Variants in CAMKK2 observed in about 807,000 individuals in gnomAD.
The protein encoded by CAMKK2 is calcium/calmodulin dependent protein kinase kinase 2, also known as calcium/calmodulin-dependent protein kinase kinase 2.
CAMKK2 carries 30 observed loss-of-function variants against 67.2 expected under a neutral mutation model. The observed-to-expected ratio is 0.45, with a 90% confidence interval of 0.33 to 0.61. The LOEUF is 0.61. Ranked by LOEUF, CAMKK2 falls within the 20% of genes least tolerant of loss-of-function variation. The probability of loss-of-function intolerance (pLI) is 0.02; values close to 1 mark genes in which losing one functional copy is unlikely to be tolerated. For missense variants in CAMKK2, 643 were observed against 802.0 expected (o/e 0.80, Z 2.39); for synonymous variants, 322 against 326.2 (o/e 0.99, Z 0.14).
In CAMKK2 at chr12:121,248,592, T is replaced by C. The variant is rs1336167963; in HGVS notation, c.1452+14A>G. ...CTGGGTCCCTGCTCTGGGTCAGGGG[T>C]CCATCCACCTTACCACGGTTGCCAA... On this transcript the variant is annotated intron_variant, in intron 14 of 16. Coordinates refer to ENST00000404169, the MANE Select transcript of CAMKK2 (RefSeq NM_001270485.2). The C allele has an allele frequency of 6.2e-7, 1 of 1,614,022 alleles. No individual in the cohort carries two copies. The highest frequency in any genetic ancestry group is 1.3e-5 in the African/African-American group (1 of 75,044).
intron 1 of CAMKK2, among the ~76,000 whole-genome samples, chr12:121,293,027 G>A (rs1218941461): frequency 2.0e-5 from 3 of 151,734 alleles, no homozygotes; most frequent in Admixed American, 6.6e-5. Context: ...TGTAATCCCA[G>A]CACTTTGGGA....
intron 7 of CAMKK2, among the ~76,000 whole-genome samples, chr12:121,257,777 G>C (rs1452581041): frequency 6.6e-6 from 1 of 152,114 alleles, no homozygotes; most frequent in Non-Finnish European, 1.5e-5. Context: ...AGCTTCTACA[G>C]ACAACCCAGC....
At chr12:121,264,960 G>C (rs931130185) in intron 5 of CAMKK2, among the ~76,000 whole-genome samples, 4 of 134,618 alleles carry the variant, frequency 3.0e-5, no homozygotes, top group African/African-American at 1.2e-4. Context: ...GACAGAGCGA[G>C]ACCCTATCAA....
chr12:121,259,048 G>A (rs1436884947), intron 7 of CAMKK2, among the ~76,000 whole-genome samples: 1 of 152,026 alleles, frequency 6.6e-6, no homozygotes, highest in Non-Finnish European at 1.5e-5. Flanking sequence ...TCGCTATGCT[G>A]CCCAGGCTGG....
rs987225571 is a variant in CAMKK2, at chr12:121,245,805, C to A, written c.1453-565G>T. Among the ~76,000 whole-genome samples, 2 of 152,196 alleles carry A rather than the reference C, an allele frequency of 1.3e-5. No individual in the cohort carries two copies. The highest frequency in any genetic ancestry group is 4.8e-5 in the African/African-American group (2 of 41,438). On this transcript the variant is annotated intron_variant, in intron 14 of 16. Transcript: ENST00000404169. The surrounding 1 kb of genome is among the most constrained non-coding windows in gnomAD (Gnocchi z 5.8). ...TGACTTTTTAAGCATTTGCTGCTAA[C>A]AAGAAAAATAAGTGTTTAAGAAACA...
intron 2 of CAMKK2, 47 bp from the exon 3 acceptor site, chr12:121,270,992 A>G: frequency 6.5e-7 from 1 of 1,529,544 alleles, no homozygotes; most frequent in Non-Finnish European, 9.1e-7. Context: ...TAAGTTTGCA[A>G]CTAGAGGCCA....
At chr12:121,294,355 C>G (rs2136683685) in intron 1 of CAMKK2, among the ~76,000 whole-genome samples, 1 of 152,284 alleles carries the variant, frequency 6.6e-6, no homozygotes, top group Admixed American at 6.5e-5. Context: ...CCAAAAGTCG[C>G]CCCCACACTT....
rs772398441 is a variant in CAMKK2 at position 121,274,436 on chromosome 12, G to A, written c.91C>T (p.Gln31Ter). The change falls in exon 2 of 17, where the codon CAG becomes TAG. Residue 31 changes from glutamine to a stop codon, truncating the protein, a stop_gained. Coordinates refer to ENST00000404169, the MANE Select transcript of CAMKK2 (RefSeq NM_001270485.2). LOFTEE classifies it high-confidence loss of function. Reference sequence around the variant, plus strand: ...CCCCGCAGGGCCTCACAGGGCTTCTGGCTTTCGCTGCTGCTGCTGCCCCTG... The same window carrying A: ...CCCCGCAGGGCCTCACAGGGCTTCTAGCTTTCGCTGCTGCTGCTGCCCCTG... ...GGRGSSSSES[Q>*]KPCEALRGLS... The A allele has an allele frequency of 6.2e-7, 1 of 1,613,170 alleles. No individual in the cohort carries two copies. Among genetic ancestry groups the A allele is most frequent in the South Asian group, 1.1e-5 (1 of 91,086 alleles).
Position 121,240,723 on chromosome 12 carries a change from C to CAT in CAMKK2, c.1742_1743insAT (p.Glu582TrpfsTer60). On this transcript the variant is annotated frameshift_variant, in exon 17 of 17. Coordinates refer to ENST00000404169, the MANE Select transcript of CAMKK2 (RefSeq NM_001270485.2). LOFTEE classifies it high-confidence loss of function. The surrounding 1 kb of genome is among the most constrained non-coding windows in gnomAD (Gnocchi z 4.4). ...GCTACTCGGGCTCCATGGCCTCCTC[C>CAT]GGCCGCAGTGGATGCATGCGTGCGG... The CAT allele has an allele frequency of 1.2e-6, 2 of 1,606,742 alleles. No homozygotes were observed. Among genetic ancestry groups the CAT allele is most frequent in the Non-Finnish European group, 1.7e-6 (2 of 1,178,592 alleles).
At chr12:121,286,189 A>G (rs1161004152) in intron 1 of CAMKK2, among the ~76,000 whole-genome samples, 1 of 152,218 alleles carries the variant, frequency 6.6e-6, no homozygotes, top group Non-Finnish European at 1.5e-5. Flanking sequence ...GCTGACTGAC[A>G]GGGAAGCTGC....
At chr12:121,270,596 A>G (rs1429135921) in intron 3 of CAMKK2, among the ~76,000 whole-genome samples, 2 of 152,148 alleles carry the variant, frequency 1.3e-5, no homozygotes, top group African/African-American at 4.8e-5. Context: ...AACAAAAGCA[A>G]AACTAGATGT....
rs199787105 is a variant in CAMKK2, at chr12:121,239,449, G to A, written c.*1250C>T. On this transcript the variant is annotated 3_prime_UTR_variant, in exon 17 of 17. Coordinates refer to ENST00000404169, the MANE Select transcript of CAMKK2 (RefSeq NM_001270485.2). Reference sequence around the variant, plus strand: ...GGGGAACTTCCTGTGCCAAGCCCTGGTTTCCTCATACCCCAACGAGTGCTG... The same window carrying A: ...GGGGAACTTCCTGTGCCAAGCCCTGATTTCCTCATACCCCAACGAGTGCTG... 4 of 152,206 alleles carry A rather than the reference G, an allele frequency of 2.6e-5. No individual in the cohort carries two copies. 9.4% of individuals were successfully genotyped at this position (152,206 alleles called of 1,614,324 possible).
chr12:121,269,766 G>A, intron 3 of CAMKK2, 185 bp from the exon 4 acceptor site: 1 of 592,136 alleles, frequency 1.7e-6, no homozygotes, highest in East Asian at 2.8e-5. Context: ...AGAAAGATCT[G>A]GGCGGAGCGC....
At chr12:121,247,211 A>C (rs1480993988) in intron 14 of CAMKK2, among the ~76,000 whole-genome samples, 1 of 151,986 alleles carries the variant, frequency 6.6e-6, no homozygotes, top group African/African-American at 2.4e-5. Context: ...GTGTGCCTCC[A>C]TTAGGGGCAT....
intron 10 of CAMKK2, 102 bp from the exon 11 acceptor site, chr12:121,252,816 G>A: frequency 8.5e-7 from 1 of 1,178,202 alleles, no homozygotes; most frequent in Non-Finnish European, 1.2e-6. Context: ...AGCCCTTGGA[G>A]TTGGGGCGGG....
At chr12:121,292,212 A>G (rs781423704) in intron 1 of CAMKK2, among the ~76,000 whole-genome samples, 7 of 149,504 alleles carry the variant, frequency 4.7e-5, no homozygotes, top group Non-Finnish European at 7.4e-5. Flanking sequence ...TGCAACATCC[A>G]CCTCCCGGGT....
At chr12:121,286,635 C>T (rs896087523) in intron 1 of CAMKK2, among the ~76,000 whole-genome samples, 5 of 152,104 alleles carry the variant, frequency 3.3e-5, no homozygotes, top group South Asian at 2.1e-4. Context: ...CCTTGATCTC[C>T]CGGGCTCAAG....
chr12:121,264,218 G>C (rs763394529), intron 5 of CAMKK2, among the ~76,000 whole-genome samples: 3 of 152,250 alleles, frequency 2.0e-5, no homozygotes, highest in Non-Finnish European at 2.9e-5. Flanking sequence ...GGAGTGCTGA[G>C]GCAACTGCAG....
intron 1 of CAMKK2, among the ~76,000 whole-genome samples, chr12:121,289,606 G>C (rs1899547400): frequency 6.6e-6 from 1 of 152,204 alleles, no homozygotes; most frequent in Non-Finnish European, 1.5e-5. Flanking sequence ...AGTACAAGGA[G>C]CCAAAGTTGG....
Sources: allele counts gnomAD v4.1 joint callset (sites outside exome capture counted in the v4.1 genomes callset), GRCh38; gene constraint gnomAD v4.1.1; non-coding constraint Gnocchi (gnomAD v3.1); transcripts MANE v1.5; gene names NCBI Gene and HGNC (gene_info 2026-07-23, HGNC 2026-07-21).